Variants in SEMA6D observed in about 807,000 individuals in gnomAD.
The protein encoded by SEMA6D is semaphorin 6D.
Under a neutral mutation model 106.6 loss-of-function variants are expected in SEMA6D, and 35 were observed. That is an observed-to-expected ratio of 0.33 (90% confidence interval 0.25 to 0.44). The LOEUF is 0.44. SEMA6D is among the 20% of genes least tolerant of loss of function. The pLI, the probability that SEMA6D is intolerant of heterozygous loss-of-function variation, is 1.00. For missense variants in SEMA6D, 1,185 were observed against 1,345.9 expected, an observed-to-expected ratio of 0.88 and a Z score of 1.87; for synonymous variants, 499 against 487.7, an observed-to-expected ratio of 1.02 and a Z score of -0.31.
At chr15:47,762,441 A>G in intron 8 of SEMA6D, 122 bp downstream of exon 8, 2 of 1,113,178 alleles carry the variant, frequency 1.8e-6, no homozygotes, top group South Asian at 3.1e-5. Context: ...GAACAAGTAC[A>G]CACTGCTTTG....
At chr15:47,229,213 T>G (rs147173434) in intron 1 of SEMA6D, among the ~76,000 whole-genome samples, 17 of 152,164 alleles carry the variant, frequency 1.1e-4, no homozygotes, top group African/African-American at 4.1e-4. Context: ...TGCTGCCTTT[T>G]TCTTTCTCCA....
intron 1 of SEMA6D, among the ~76,000 whole-genome samples, chr15:47,362,777 C>T (rs561406971): frequency 6.6e-6 from 1 of 152,304 alleles, no homozygotes; most frequent in African/African-American, 2.4e-5. Flanking sequence ...CTGAGCTTCA[C>T]TGCCAGTACT....
At chr15:47,269,375 AG>A in intron 1 of SEMA6D, among the ~76,000 whole-genome samples, 1 of 152,214 alleles carries the variant, frequency 6.6e-6, no homozygotes, top group Admixed American at 6.5e-5. Flanking sequence ...TAAAAAAAAA[AG>A]AATTATAGTT....
intron 4 of SEMA6D, among the ~76,000 whole-genome samples, chr15:47,630,606 A>G (rs1451024312): frequency 6.6e-6 from 1 of 151,650 alleles, no homozygotes; most frequent in African/African-American, 2.4e-5. Context: ...TGCCTTATTG[A>G]AGTGACTAAG....
intron 3 of SEMA6D, among the ~76,000 whole-genome samples, chr15:47,581,623 A>G (rs573950173): frequency 6.6e-6 from 1 of 152,278 alleles, no homozygotes; most frequent in Admixed American, 6.5e-5. Context: ...AAGGTCTTAA[A>G]CCAGGAATAA....
In SEMA6D at chr15:47,516,412, A is replaced by G. The variant is rs943842101; in HGVS notation, c.-87+45867A>G. On this transcript the variant is annotated intron_variant, in intron 3 of 19. Transcript: ENST00000558014. ...CAGCCCATGGCACATCAAAGTGACT[A>G]GTCAACTTACTTTTCAATGCTATTG... Among the ~76,000 whole-genome samples the G allele has an allele frequency of 3.9e-5, 6 of 152,214 alleles. No homozygotes were observed. In the South Asian group the frequency reaches 6.2e-4, roughly 16 times the overall value.
intron 1 of SEMA6D, among the ~76,000 whole-genome samples, chr15:47,193,593 G>T (rs1197136579): frequency 6.6e-6 from 1 of 152,158 alleles, no homozygotes; most frequent in African/African-American, 2.4e-5. Context: ...TGGAATCCTT[G>T]TAGTCACATA....
intron 1 of SEMA6D, among the ~76,000 whole-genome samples, chr15:47,256,363 T>C (rs1399187363): frequency 6.6e-6 from 1 of 152,244 alleles, no homozygotes. Context: ...AGTTTATTCA[T>C]GTTCTCTTTC....
At chr15:47,563,923 C>A (rs755897539) in intron 3 of SEMA6D, among the ~76,000 whole-genome samples, 4 of 152,212 alleles carry the variant, frequency 2.6e-5, no homozygotes, top group Non-Finnish European at 2.9e-5. Context: ...TTCCTTCCTA[C>A]TCCCAGACAA....
intron 1 of SEMA6D, among the ~76,000 whole-genome samples, chr15:47,236,347 G>C (rs866323486): frequency 6.6e-6 from 1 of 151,962 alleles, no homozygotes; most frequent in Non-Finnish European, 1.5e-5. Flanking sequence ...GATTCATGTG[G>C]GGTTCTCTCC....
chr15:47,222,359 C>T (rs1465175252), intron 1 of SEMA6D, among the ~76,000 whole-genome samples: 1 of 152,128 alleles, frequency 6.6e-6, no homozygotes, highest in African/African-American at 2.4e-5. Flanking sequence ...TTCTTTGCCC[C>T]TTATTTTTTC....
intron 3 of SEMA6D, among the ~76,000 whole-genome samples, chr15:47,586,251 T>C (rs1159161721): frequency 2.6e-5 from 4 of 152,158 alleles, no homozygotes; most frequent in African/African-American, 9.7e-5. Context: ...GTACAAACAG[T>C]GCTTAGCAGG....
chr15:47,692,748 T>A (rs2078616630), intron 4 of SEMA6D, among the ~76,000 whole-genome samples: 1 of 152,166 alleles, frequency 6.6e-6, no homozygotes. Flanking sequence ...CAGGTGCCAG[T>A]GACCTTCTCT....
intron 1 of SEMA6D, among the ~76,000 whole-genome samples, chr15:47,215,349 T>A (rs961357507): frequency 2.6e-5 from 4 of 151,952 alleles, no homozygotes; most frequent in African/African-American, 9.7e-5. Context: ...TCCACAGATA[T>A]ATTAAAGGGG....
intron 4 of SEMA6D, among the ~76,000 whole-genome samples, chr15:47,649,713 T>C (rs1166859671): frequency 6.6e-6 from 1 of 151,968 alleles, no homozygotes; most frequent in African/African-American, 2.4e-5. Flanking sequence ...AAGAAAAGAA[T>C]ACAAGTTTTG....
intron 4 of SEMA6D, among the ~76,000 whole-genome samples, chr15:47,673,817 G>A (rs907179899): frequency 3.9e-5 from 6 of 152,146 alleles, no homozygotes; most frequent in Non-Finnish European, 8.8e-5. Flanking sequence ...CCCCAGGATA[G>A]CTTACAGGCA....
intron 1 of SEMA6D, among the ~76,000 whole-genome samples, chr15:47,282,002 C>T: frequency 6.6e-6 from 1 of 152,132 alleles, no homozygotes; most frequent in African/African-American, 2.4e-5. Flanking sequence ...CCCTATCCTT[C>T]CTCCATTACA....
intron 1 of SEMA6D, among the ~76,000 whole-genome samples, chr15:47,333,231 T>C (rs1373782538): frequency 6.6e-6 from 1 of 152,180 alleles, no homozygotes; most frequent in Non-Finnish European, 1.5e-5. Context: ...AAGTCATGAT[T>C]AACAGATTAC....
At chr15:47,550,250 A>G (rs1221903617) in intron 3 of SEMA6D, among the ~76,000 whole-genome samples, 2 of 152,166 alleles carry the variant, frequency 1.3e-5, no homozygotes, top group Non-Finnish European at 2.9e-5. Flanking sequence ...ATAACCAAGC[A>G]TCTTCTCTGG....
Sources: allele counts gnomAD v4.1 joint callset (sites outside exome capture counted in the v4.1 genomes callset), GRCh38; gene constraint gnomAD v4.1.1; transcripts MANE v1.5; gene names NCBI Gene and HGNC (gene_info 2026-07-23, HGNC 2026-07-21).